The following ADAM12 variants were observed in gnomAD, a reference collection of about 807,000 sequenced individuals.
ADAM12 encodes the protein disintegrin and metalloproteinase domain-containing protein 12.
Under a neutral mutation model 106.4 loss-of-function variants are expected in ADAM12, and 70 were observed. The observed-to-expected ratio is 0.66, with a 90% CI of 0.54 to 0.80. The LOEUF (loss-of-function observed/expected upper bound fraction) is 0.80, where lower values mean the gene tolerates loss of function less well. ADAM12 is among the 30% of genes least tolerant of loss of function. The pLI is 0.00. For synonymous variants in ADAM12, 420 were observed against 433.5 expected, an observed-to-expected ratio of 0.97 and a Z score of 0.39; for missense variants, 1,010 against 1,171.9, an observed-to-expected ratio of 0.86 and a Z score of 2.02.
chr10:126,218,200 A>G (rs2366476), intron 3 of ADAM12, among the ~76,000 whole-genome samples: 150,297 of 151,094 alleles, frequency 0.99, 74,759 homozygotes, highest in East Asian at 1. Flanking sequence ...AGGGGGTGGT[A>G]ACTATCATCC....
At chr10:126,060,840 G>A (rs1954740320) in intron 14 of ADAM12, among the ~76,000 whole-genome samples, 1 of 152,180 alleles carries the variant, frequency 6.6e-6, no homozygotes, top group African/African-American at 2.4e-5. Flanking sequence ...TGTCACTCTG[G>A]CAGAGTCGGG....
chr10:126,157,917 G>C (rs1317391026), intron 3 of ADAM12, among the ~76,000 whole-genome samples: 2 of 152,220 alleles, frequency 1.3e-5, no homozygotes, highest in African/African-American at 2.4e-5. Context: ...CTGAAGAGAA[G>C]AGTGTGAAGA....
intron 1 of ADAM12, among the ~76,000 whole-genome samples, chr10:126,362,598 G>T (rs1399105775): frequency 6.6e-6 from 1 of 152,094 alleles, no homozygotes; most frequent in Non-Finnish European, 1.5e-5. Context: ...TATACAAATG[G>T]AATACTATTC....
At chr10:126,264,547 G>A (rs1445353172) in intron 3 of ADAM12, among the ~76,000 whole-genome samples, 6 of 152,154 alleles carry the variant, frequency 3.9e-5, no homozygotes, top group African/African-American at 1.2e-4. Flanking sequence ...CCAGCATACT[G>A]AGAAGAAAGA....
At chr10:126,019,898 C>CAA in intron 21 of ADAM12, 73 bp from the exon 22 acceptor site, 1 of 1,486,910 alleles carries the variant, frequency 6.7e-7, no homozygotes, top group Non-Finnish European at 9.0e-7. Flanking sequence ...CAGGGCCTGC[C>CAA]GCTTGGCACA....
At chr10:126,075,332 A>G (rs1955078425) in intron 11 of ADAM12, among the ~76,000 whole-genome samples, 1 of 152,180 alleles carries the variant, frequency 6.6e-6, no homozygotes, top group Non-Finnish European at 1.5e-5. Flanking sequence ...CAGGCTTTAG[A>G]GGAAGAAAAT....
At chr10:126,121,165 C>T (rs375488212) in intron 5 of ADAM12, among the ~76,000 whole-genome samples, 19 of 23,068 alleles carry the variant, frequency 8.2e-4, no homozygotes, top group Admixed American at 1.2e-3. Flanking sequence ...ACTATATATA[C>T]TATATATACT....
At chr10:126,241,310 G>A (rs528902587) in intron 3 of ADAM12, among the ~76,000 whole-genome samples, 105 of 152,198 alleles carry the variant, frequency 6.9e-4, no homozygotes, top group Non-Finnish European at 1.3e-3. Flanking sequence ...AGTGGTGACA[G>A]CTGTACAACA....
At chr10:126,276,608 T>C (rs1959257686) in intron 3 of ADAM12, among the ~76,000 whole-genome samples, 1 of 152,184 alleles carries the variant, frequency 6.6e-6, no homozygotes, top group Non-Finnish European at 1.5e-5. Flanking sequence ...ATTATGAAAA[T>C]GTTACTTTTC....
At chr10:126,360,029 G>T (rs1855688258) in intron 1 of ADAM12, among the ~76,000 whole-genome samples, 1 of 152,186 alleles carries the variant, frequency 6.6e-6, no homozygotes, top group Non-Finnish European at 1.5e-5. Context: ...AAGGTTTGGG[G>T]CTTCACCCTC....
At chr10:126,020,992 CA>C (rs3067295) in intron 21 of ADAM12, among the ~76,000 whole-genome samples, 5,131 of 98,226 alleles carry the variant, frequency 0.052, 104 homozygotes, top group African/African-American at 0.084. Flanking sequence ...GACTCTGTCT[CA>C]AAAAAAAAAA....
In ADAM12 at chr10:126,064,718, G is replaced by A; in HGVS notation, c.1609+88C>T. 7.2e-7 allele frequency: 1 copy of A among 1,397,730 alleles called. No homozygotes were observed. Among genetic ancestry groups the A allele is most frequent in the Non-Finnish European group, 9.6e-7 (1 of 1,036,918 alleles). The allele number at this position is 1,397,730 out of a possible 1,614,324, so 86.6% of individuals were successfully genotyped here. On this transcript the variant is annotated intron_variant, in intron 14 of 22. Coordinates refer to ENST00000448723, the MANE Select transcript of ADAM12 (RefSeq NM_001288973.2). The surrounding 1 kb of genome is among the most constrained non-coding windows in gnomAD (Gnocchi z 4.4). The stretch of plus-strand genomic sequence containing the variant: ...TGGACAGCGCCCGCCAGGAGTGGGG[G>A]CTAACCAAAACAGAGCACATGCCCC...
chr10:126,300,728 T>A (rs942955191), intron 2 of ADAM12, among the ~76,000 whole-genome samples: 3 of 152,124 alleles, frequency 2.0e-5, no homozygotes, highest in African/African-American at 7.2e-5. Flanking sequence ...TACTGGAGAA[T>A]AAAATCCTGC....
chr10:126,019,775 C>T lies in ADAM12; in HGVS notation c.2580G>A (p.Leu860=), dbSNP rs1358357384. The T allele has an allele frequency of 1.9e-6, 3 of 1,613,958 alleles. No individual in the cohort carries two copies. The African/African-American group carries it at 4.0e-5, about 22-fold the overall frequency. ...CATGAGTGAGCCGAGTTGTTCTGGC[C>T]AGAGGATCTGCAGGCAGAGGCTTCT... is the stretch of plus-strand genomic sequence containing the variant. ...PPQKPLPADP[L]ARTTRLTHAL... is the part of the protein sequence containing the mutation. Residue 860 remains leucine, a synonymous_variant, in exon 22 of 23, where the codon CTG becomes CTA. Transcript: ENST00000448723.
chr10:126,310,923 T>C (rs1961056354), intron 2 of ADAM12, among the ~76,000 whole-genome samples: 1 of 152,116 alleles, frequency 6.6e-6, no homozygotes, highest in Admixed American at 6.5e-5. Context: ...GGGGATATGG[T>C]GGACCCTAAG....
chr10:126,206,862 G>GGGC (rs1957807830), intron 3 of ADAM12, among the ~76,000 whole-genome samples: 1 of 147,350 alleles, frequency 6.8e-6, no homozygotes, highest in Non-Finnish European at 1.5e-5. Flanking sequence ...TGTGGGGGCG[G>GGGC]GGGGGAGCCA....
intron 6 of ADAM12, among the ~76,000 whole-genome samples, chr10:126,110,851 A>T (rs796228927): frequency 3.9e-5 from 6 of 152,372 alleles, no homozygotes; most frequent in African/African-American, 1.4e-4. Flanking sequence ...CTGCCATAAA[A>T]TGCAGTTGGA....
intron 1 of ADAM12, among the ~76,000 whole-genome samples, chr10:126,355,737 C>T (rs1306272570): frequency 2.0e-5 from 3 of 152,162 alleles, no homozygotes; most frequent in Non-Finnish European, 4.4e-5. Context: ...AAAGAATGCT[C>T]GAGGTAGCGG....
intron 8 of ADAM12, among the ~76,000 whole-genome samples, chr10:126,103,927 G>T (rs1488230505): frequency 6.6e-6 from 1 of 152,164 alleles, no homozygotes; most frequent in Non-Finnish European, 1.5e-5. Context: ...GGTCACCAGG[G>T]GCTTAAGGCA....
Sources: allele counts gnomAD v4.1 joint callset (sites outside exome capture counted in the v4.1 genomes callset), GRCh38; gene constraint gnomAD v4.1.1; non-coding constraint Gnocchi (gnomAD v3.1); transcripts MANE v1.5; gene names NCBI Gene and HGNC (gene_info 2026-07-23, HGNC 2026-07-21).